Variants in RILP observed in about 807,000 individuals in gnomAD.
RILP encodes Rab interacting lysosomal protein.
In RILP, 53 loss-of-function variants were observed where a neutral mutation model predicts 40.0. The observed-to-expected ratio is 1.32, with a 90% confidence interval of 1.06 to 1.66. The LOEUF (loss-of-function observed/expected upper bound fraction) is 1.66, where lower values mean the gene tolerates loss of function less well. RILP is among the 40% of genes most tolerant of loss of function. The pLI, the probability that RILP is intolerant of heterozygous loss-of-function variation, is 0.00. For synonymous variants in RILP, 272 were observed against 250.6 expected, an observed-to-expected ratio of 1.09 and a Z score of -0.80; for missense variants, 626 against 551.7, an observed-to-expected ratio of 1.13 and a Z score of -1.35.
rs1190839568 is a variant in RILP at position 1,649,036 on chromosome 17, C to T, written c.438G>A (p.Glu146=). 7 of 1,298,774 alleles carry T rather than the reference C, an allele frequency of 5.4e-6. No individual in the cohort carries two copies. The African/African-American group carries it at 8.0e-5, about 15-fold the overall frequency. The allele number at this position is 1,298,774 out of a possible 1,614,324, so 80.5% of individuals were successfully genotyped here. A position where few individuals can be genotyped will look rare whatever the true frequency, so the allele number is the denominator to read the frequency against. The change falls in exon 4 of 8, where the codon GAG becomes GAA. Residue 146 remains glutamate, a synonymous_variant. Transcript: ENST00000301336. The surrounding 1 kb of genome is among the most constrained non-coding windows in gnomAD (Gnocchi z 4.3). ...QRGQETEALQ[E]QLQRLLLVNA... ...TCACCAGCAGGAGGCGCTGCAGCTG[C>T]TCCTGCAACTGGGAGCGGAGCAAAG...
Position 1,646,706 on chromosome 17 carries a change from GGA to G in RILP, c.1029-89_1029-88del. 2 of 1,389,026 alleles carry G rather than the reference GGA, an allele frequency of 1.4e-6. No homozygotes were observed. The highest frequency in any genetic ancestry group is 2.0e-6 in the Non-Finnish European group (2 of 1,020,148). The allele number at this position is 1,389,026 out of a possible 1,614,324, so 86.0% of individuals were successfully genotyped here. A position where few individuals can be genotyped will look rare whatever the true frequency, so the allele number is the denominator to read the frequency against. On this transcript the variant is annotated intron_variant, in intron 7 of 7. Coordinates refer to ENST00000301336, the MANE Select transcript of RILP (RefSeq NM_031430.3). This position sits in a 1 kb window ranked among gnomAD's most constrained non-coding sequence, Gnocchi z 4.3. ...GAGGGCAGGGGATGGTGAGAAAAGG[GGA>G]GAGGGGGAAGAAAGGGCAGCCTGAG...
Position 1,649,202 on chromosome 17 carries a change from C to T in RILP, c.427G>A (p.Ala143Thr). The change falls in exon 3 of 8, where the codon GCG becomes ACG. Residue 143 changes from alanine (A) to threonine (T), a missense_variant and splice_region_variant. Transcript: ENST00000301336. This position sits in a 1 kb window ranked among gnomAD's most constrained non-coding sequence, Gnocchi z 4.3. ...CCAGAGCCCCGCCCCGCCCTCACCG[C>T]CTCGGTCTCCTGGCCGCGCTGCCGC... ...DLRQRGQETE[A>T]LQEQLQRLLL... 1.4e-6 allele frequency: 2 copies of T among 1,476,678 alleles called. No homozygotes were observed. Among genetic ancestry groups the T allele is most frequent in the South Asian group, 2.5e-5 (2 of 78,640 alleles). The allele number at this position is 1,476,678 out of a possible 1,614,324, so 91.5% of individuals were successfully genotyped here.
rs1910810303 is a variant in RILP, at chr17:1,649,206, G to A, written c.423C>T (p.Thr141=). The A allele has an allele frequency of 8.1e-6, 10 of 1,228,736 alleles. No homozygotes were observed. The highest frequency in any genetic ancestry group is 1.1e-5 in the Non-Finnish European group (10 of 944,652). 76.1% of individuals were successfully genotyped at this position (1,228,736 alleles called of 1,614,324 possible). A position where few individuals can be genotyped will look rare whatever the true frequency, so the allele number is the denominator to read the frequency against. The change falls in exon 3 of 8, where the codon ACC becomes ACT. Residue 141 remains threonine, a synonymous_variant. Coordinates refer to ENST00000301336, the MANE Select transcript of RILP (RefSeq NM_031430.3). This position sits in a 1 kb window ranked among gnomAD's most constrained non-coding sequence, Gnocchi z 4.3. ...AGCCCCGCCCCGCCCTCACCGCCTC[G>A]GTCTCCTGGCCGCGCTGCCGCAGGT... is the stretch of plus-strand genomic sequence containing the variant. ...NRDLRQRGQE[T]EALQEQLQRL...
Position 1,648,795 on chromosome 17 carries a change from T to G in RILP, c.675+4A>C, listed in dbSNP as rs780412453. On this transcript the variant is annotated splice_donor_region_variant and intron_variant, in intron 4 of 7. Transcript: ENST00000301336. The surrounding 1 kb of genome is among the most constrained non-coding windows in gnomAD (Gnocchi z 4.9). ...CTGGGTCCTTGCCCTCATACGGCAC[T>G]CACCGGGTCCTCAGGGTTCCCTGGG... is the stretch of plus-strand genomic sequence containing the variant. 1 of 1,507,236 alleles carries G rather than the reference T, an allele frequency of 6.6e-7. No homozygotes were observed. 93.4% of individuals were successfully genotyped at this position (1,507,236 alleles called of 1,614,324 possible). A position where few individuals can be genotyped will look rare whatever the true frequency, so the allele number is the denominator to read the frequency against.
In RILP at chr17:1,648,286, C is replaced by T. The variant is rs1431103656; in HGVS notation, c.821+64G>A. 2.5e-6 allele frequency: 4 copies of T among 1,570,486 alleles called. No homozygotes were observed. Among genetic ancestry groups the T allele is most frequent in the Non-Finnish European group, 3.5e-6 (4 of 1,155,910 alleles). ...CAGGCCTGGCACATGTCACTGTGGACATGTCAATGACTGGAGAATGAGGTG... is the reference window on the plus strand; with the variant it reads ...CAGGCCTGGCACATGTCACTGTGGATATGTCAATGACTGGAGAATGAGGTG... On this transcript the variant is annotated intron_variant, in intron 5 of 7. Transcript: ENST00000301336. This position sits in a 1 kb window ranked among gnomAD's most constrained non-coding sequence, Gnocchi z 4.9.
Position 1,646,622 on chromosome 17 carries a change from G to A in RILP, c.1029-3C>T, listed in dbSNP as rs1178590919. ...TACCCCGATACCATAGGCCAAAGCTGGAGAGAGACAGCCAGAGGCACTTTG... is the reference window on the plus strand; with the variant it reads ...TACCCCGATACCATAGGCCAAAGCTAGAGAGAGACAGCCAGAGGCACTTTG... On this transcript the variant is annotated splice_region_variant and splice_polypyrimidine_tract_variant and intron_variant, in intron 7 of 7. Coordinates refer to ENST00000301336, the MANE Select transcript of RILP (RefSeq NM_031430.3). This position sits in a 1 kb window ranked among gnomAD's most constrained non-coding sequence, Gnocchi z 4.3. The A allele has an allele frequency of 1.3e-6, 2 of 1,565,952 alleles. No individual in the cohort carries two copies. Among genetic ancestry groups the A allele is most frequent in the Admixed American group, 1.9e-5 (1 of 52,896 alleles).
chr17:1,647,993 T>TGATGCCAGCCATGGG, intron 5 of RILP, 36 bp from the exon 6 acceptor site: 2 of 1,611,234 alleles, frequency 1.2e-6, no homozygotes, highest in East Asian at 2.2e-5. Context: ...AAAGCCCTGG[T>TGATGCCAGCCATGGG]GATGCCAGCC....
In RILP at chr17:1,649,392, C is replaced by G; in HGVS notation, c.322+20G>C. The G allele has an allele frequency of 1.3e-6, 2 of 1,501,484 alleles. No homozygotes were observed. The highest frequency in any genetic ancestry group is 1.8e-6 in the Non-Finnish European group (2 of 1,132,862). The allele number at this position is 1,501,484 out of a possible 1,614,324, so 93.0% of individuals were successfully genotyped here. Reference sequence around the variant, plus strand: ...CGAGCAGGTCGTCACCCGCCCTGCCCTGGCCGGGGCTGCGCTTACCCTGTG... The same window carrying G: ...CGAGCAGGTCGTCACCCGCCCTGCCGTGGCCGGGGCTGCGCTTACCCTGTG... On this transcript the variant is annotated intron_variant, in intron 2 of 7. Transcript: ENST00000301336. The surrounding 1 kb of genome is among the most constrained non-coding windows in gnomAD (Gnocchi z 4.3).
rs759244856 is a variant in RILP, at chr17:1,649,814, A to G, written c.-10T>C. ...CCCTCCTGGGCTCCATGTCTCCCAG[A>G]GGCTTAGGGCTGCGACCCCCCCACC... is the stretch of plus-strand genomic sequence containing the variant. On this transcript the variant is annotated 5_prime_UTR_variant, in exon 1 of 8. Transcript: ENST00000301336. This position sits in a 1 kb window ranked among gnomAD's most constrained non-coding sequence, Gnocchi z 4.3. 2.6e-6 allele frequency: 4 copies of G among 1,531,916 alleles called. No homozygotes were observed. In the South Asian group the frequency reaches 3.6e-5, roughly 14 times the overall value. 94.9% of individuals were successfully genotyped at this position (1,531,916 alleles called of 1,614,324 possible). A position where few individuals can be genotyped will look rare whatever the true frequency, so the allele number is the denominator to read the frequency against.
chr17:1,646,633 G>A lies in RILP; in HGVS notation c.1029-14C>T. On this transcript the variant is annotated splice_polypyrimidine_tract_variant and intron_variant, in intron 7 of 7. Coordinates refer to ENST00000301336, the MANE Select transcript of RILP (RefSeq NM_031430.3). This position sits in a 1 kb window ranked among gnomAD's most constrained non-coding sequence, Gnocchi z 4.3. ...CATAGGCCAAAGCTGGAGAGAGACA[G>A]CCAGAGGCACTTTGAGCCAGGAAGC... is the stretch of plus-strand genomic sequence containing the variant. The A allele has an allele frequency of 6.4e-7, 1 of 1,553,524 alleles. No individual in the cohort carries two copies. Among genetic ancestry groups the A allele is most frequent in the Non-Finnish European group, 8.7e-7 (1 of 1,148,882 alleles).
Position 1,646,613 on chromosome 17 carries a change from G to A in RILP, c.1035C>T (p.Gly345=), listed in dbSNP as rs771659833. 6.4e-7 allele frequency: 1 copy of A among 1,574,778 alleles called. No individual in the cohort carries two copies. Among genetic ancestry groups the A allele is most frequent in the Admixed American group, 1.9e-5 (1 of 53,394 alleles). The change falls in exon 8 of 8, where the codon GGC becomes GGT. Residue 345 remains glycine (G), a synonymous_variant. Coordinates refer to ENST00000301336, the MANE Select transcript of RILP (RefSeq NM_031430.3). This position sits in a 1 kb window ranked among gnomAD's most constrained non-coding sequence, Gnocchi z 4.3. ...ATTCAGCTTTACCCCGATACCATAGGCCAAAGCTGGAGAGAGACAGCCAGA... is the reference window on the plus strand; with the variant it reads ...ATTCAGCTTTACCCCGATACCATAGACCAAAGCTGGAGAGAGACAGCCAGA... The part of the protein sequence containing the change: ...PPESKIQSFF[G]LWYRGKAESS...
rs1567670655 is a variant in RILP, at chr17:1,648,528, C to T, written c.676-33G>A. The T allele has an allele frequency of 1.2e-6, 2 of 1,603,650 alleles. No individual in the cohort carries two copies. Among genetic ancestry groups the T allele is most frequent in the Non-Finnish European group, 8.5e-7 (1 of 1,176,766 alleles). The stretch of plus-strand genomic sequence containing the variant: ...AGGACAGGCACAGTCAGAGGGTCGC[C>T]TCGGCTGGCGTTCCCCCGCCCCAGG... On this transcript the variant is annotated intron_variant, in intron 4 of 7. Coordinates refer to ENST00000301336, the MANE Select transcript of RILP (RefSeq NM_031430.3). This position sits in a 1 kb window ranked among gnomAD's most constrained non-coding sequence, Gnocchi z 4.9.
Position 1,649,087 on chromosome 17 carries a change from C to T in RILP, c.430-43G>A. The T allele has an allele frequency of 8.4e-7, 1 of 1,191,332 alleles. No individual in the cohort carries two copies. Among genetic ancestry groups the T allele is most frequent in the Non-Finnish European group, 1.0e-6 (1 of 953,100 alleles). 73.8% of individuals were successfully genotyped at this position (1,191,332 alleles called of 1,614,324 possible). A position where few individuals can be genotyped will look rare whatever the true frequency, so the allele number is the denominator to read the frequency against. ...GGTGGGGTGGGCGGGGCACCGAGGG[C>T]CCCCCGGAGCCCCGCCCAGCGCCTG... On this transcript the variant is annotated intron_variant, in intron 3 of 7. Coordinates refer to ENST00000301336, the MANE Select transcript of RILP (RefSeq NM_031430.3). This position sits in a 1 kb window ranked among gnomAD's most constrained non-coding sequence, Gnocchi z 4.3.
Position 1,649,780 on chromosome 17 carries a change from C to A in RILP, c.25G>T (p.Gly9Trp). Residue 9 changes from glycine (G) to tryptophan (W), a missense_variant, in exon 1 of 8, where the codon GGG becomes TGG. Gly to Trp is a radical substitution (Grantham distance 184). Coordinates refer to ENST00000301336, the MANE Select transcript of RILP (RefSeq NM_031430.3). The surrounding 1 kb of genome is among the most constrained non-coding windows in gnomAD (Gnocchi z 4.3). The part of the protein sequence containing the change: MEPRRAAP[G>W]VPGWGSREAA... ...TCCCGAGACCCCCAGCCAGGCACCC[C>A]GGGCGCCGCCCTCCTGGGCTCCATG... is the stretch of plus-strand genomic sequence containing the variant. 1 of 1,558,724 alleles carries A rather than the reference C, an allele frequency of 6.4e-7. No homozygotes were observed. The highest frequency in any genetic ancestry group is 2.4e-5 in the East Asian group (1 of 42,526).
chr17:1,648,652 G>T lies in RILP; in HGVS notation c.675+147C>A, dbSNP rs1293637051. The T allele has an allele frequency of 1.4e-6, 2 of 1,395,724 alleles. No homozygotes were observed. Among genetic ancestry groups the T allele is most frequent in the Non-Finnish European group, 1.9e-6 (2 of 1,062,112 alleles). The allele number at this position is 1,395,724 out of a possible 1,614,324, so 86.5% of individuals were successfully genotyped here. A position where few individuals can be genotyped will look rare whatever the true frequency, so the allele number is the denominator to read the frequency against. On this transcript the variant is annotated intron_variant, in intron 4 of 7. Coordinates refer to ENST00000301336, the MANE Select transcript of RILP (RefSeq NM_031430.3). The surrounding 1 kb of genome is among the most constrained non-coding windows in gnomAD (Gnocchi z 4.9). ...AGCAGTGCTCCAGCTGAGAGCGGGG[G>T]CCGAGGCCGGCCGGGGGCGCAGATC...
At chr17:1,647,473 C>T (rs1422203963) in intron 6 of RILP, among the ~76,000 whole-genome samples, 3 of 152,080 alleles carry the variant, frequency 2.0e-5, no homozygotes, top group African/African-American at 7.2e-5. Flanking sequence ...ACACAGCAGG[C>T]CCTGACACAG....
rs1428161674 is a variant in RILP at position 1,648,948 on chromosome 17, C to A, written c.526G>T (p.Glu176Ter). ...TCGCCAGGCTGCTGGCGCTCCCTCTCGCGGTCCTGCGCGGCGCGCAGCTGG... is the reference window on the plus strand; with the variant it reads ...TCGCCAGGCTGCTGGCGCTCCCTCTAGCGGTCCTGCGCGGCGCGCAGCTGG... ...QTQLRAAQDR[E>*]RERQQPGEAA... The change falls in exon 4 of 8, where the codon GAG (glutamate) becomes TAG (stop). Residue 176 changes from glutamate (E) to a stop codon, truncating the protein, a stop_gained. Coordinates refer to ENST00000301336, the MANE Select transcript of RILP (RefSeq NM_031430.3). LOFTEE classifies it high-confidence loss of function. This position sits in a 1 kb window ranked among gnomAD's most constrained non-coding sequence, Gnocchi z 4.9. The A allele has an allele frequency of 1.3e-6, 2 of 1,513,274 alleles. No individual in the cohort carries two copies. Among genetic ancestry groups the A allele is most frequent in the African/African-American group, 2.8e-5 (2 of 70,368 alleles). The allele number at this position is 1,513,274 out of a possible 1,614,324, so 93.7% of individuals were successfully genotyped here.
At position 1,649,064 on chromosome 17, in the gene RILP, T is replaced by A; in HGVS notation, c.430-20A>T. The A allele has an allele frequency of 1.8e-4, 3 of 16,742 alleles. No homozygotes were observed. The highest frequency in any genetic ancestry group is 2.7e-4 in the Non-Finnish European group (3 of 11,148). 1.0% of individuals were successfully genotyped at this position (16,742 alleles called of 1,614,324 possible). On this transcript the variant is annotated intron_variant, in intron 3 of 7. Coordinates refer to ENST00000301336, the MANE Select transcript of RILP (RefSeq NM_031430.3). The surrounding 1 kb of genome is among the most constrained non-coding windows in gnomAD (Gnocchi z 4.3). ...CTGCAACTGGGAGCGGAGCAAAGGG[T>A]GGGGTGGGCGGGGCACCGAGGGCCC... is the stretch of plus-strand genomic sequence containing the variant.
rs773995960 is a variant in RILP at position 1,648,244 on chromosome 17, C to T, written c.821+106G>A. 72 of 1,401,868 alleles carry T rather than the reference C, an allele frequency of 5.1e-5. No homozygotes were observed. Among genetic ancestry groups the T allele is most frequent in the Non-Finnish European group, 5.9e-5 (61 of 1,026,452 alleles). 86.8% of individuals were successfully genotyped at this position (1,401,868 alleles called of 1,614,324 possible). A position where few individuals can be genotyped will look rare whatever the true frequency, so the allele number is the denominator to read the frequency against. ...AGGGCAAGGGCTGTACAATTCATGT[C>T]CTCCCAGTTCCCAGCGCAGGCCTGG... On this transcript the variant is annotated intron_variant, in intron 5 of 7. Transcript: ENST00000301336. The surrounding 1 kb of genome is among the most constrained non-coding windows in gnomAD (Gnocchi z 4.9).
Sources: gnomAD v4.1 joint callset for allele counts (sites outside exome capture counted in the v4.1 genomes callset) on GRCh38, gnomAD v4.1.1 for gene constraint, Gnocchi (gnomAD v3.1) non-coding constraint, MANE v1.5 for transcripts, NCBI Gene and HGNC (gene_info 2026-07-23, HGNC 2026-07-21) for gene names.